Variants in SNX25 observed in about 807,000 individuals in gnomAD.
SNX25 encodes sorting nexin 25, also known as sorting nexin-25.
Under a neutral mutation model 113.7 loss-of-function variants are expected in SNX25, and 62 were observed. The observed-to-expected ratio is 0.55, with a 90% CI of 0.44 to 0.67. SNX25 has a LOEUF of 0.67. SNX25 is among the 30% of genes least tolerant of loss of function. SNX25 has a pLI of 0.00. For missense variants in SNX25, 1,014 were observed against 1,161.0 expected (o/e 0.87, Z 1.84); for synonymous variants, 421 against 436.2 (o/e 0.97, Z 0.43).
intron 1 of SNX25, among the ~76,000 whole-genome samples, chr4:185,244,233 T>C (rs2126474874): frequency 6.6e-6 from 1 of 152,276 alleles, no homozygotes; most frequent in South Asian, 2.1e-4. Context: ...CCCCAGGTGA[T>C]CCACCCGCCT....
At chr4:185,271,506 C>T (rs115215210) in intron 5 of SNX25, among the ~76,000 whole-genome samples, 2,875 of 152,308 alleles carry the variant, frequency 0.019, 86 homozygotes, top group African/African-American at 0.057. Context: ...GCCTCGGTCT[C>T]TCAAAGTGCT....
intron 1 of SNX25, among the ~76,000 whole-genome samples, chr4:185,222,925 T>C (rs958097384): frequency 6.6e-5 from 10 of 152,214 alleles, no homozygotes; most frequent in Non-Finnish European, 1.3e-4. Context: ...TTTGGAACAA[T>C]GTGATAGCAT....
At chr4:185,218,090 T>G (rs1028074671) in intron 1 of SNX25, among the ~76,000 whole-genome samples, 5 of 152,056 alleles carry the variant, frequency 3.3e-5, no homozygotes, top group Non-Finnish European at 5.9e-5. Context: ...AGTGTGTGCT[T>G]CTATAGTTTT....
At chr4:185,225,661 G>C (rs3108259) in intron 1 of SNX25, among the ~76,000 whole-genome samples, 99,391 of 152,050 alleles carry the variant, frequency 0.65, 32,591 homozygotes, top group East Asian at 0.76. Flanking sequence ...CCTTAGTAAT[G>C]GGTAGAGCTA....
At chr4:185,331,259 A>T (rs1248446256) in intron 9 of SNX25, among the ~76,000 whole-genome samples, 1 of 152,222 alleles carries the variant, frequency 6.6e-6, no homozygotes, top group Non-Finnish European at 1.5e-5. Context: ...AAGCAGAATC[A>T]ACCTATTACA....
At chr4:185,302,100 G>GTTT (rs35963129) in intron 6 of SNX25, among the ~76,000 whole-genome samples, 15 of 129,886 alleles carry the variant, frequency 1.2e-4, no homozygotes, top group Admixed American at 5.4e-4. Flanking sequence ...TGTTTTTTTT[G>GTTT]TTTTTTTTTT....
At position 185,332,678 on chromosome 4, in the gene SNX25, A is replaced by G. The variant is rs370246982; in HGVS notation, c.1833A>G (p.Lys611=). The part of the protein sequence containing the change: ...INEQASFAVN[K]LRELNEKLEY... ...AACAAGCCAGTTTTGCTGTAAACAAACTGCGAGAACTAAATGAGAAACTTG... is the reference window on the plus strand; with the variant it reads ...AACAAGCCAGTTTTGCTGTAAACAAGCTGCGAGAACTAAATGAGAAACTTG... The change falls in exon 10 of 19, where the codon AAA becomes AAG. Residue 611 remains lysine, a synonymous_variant. Transcript: ENST00000652585. The G allele has an allele frequency of 4.3e-6, 7 of 1,614,064 alleles. No homozygotes were observed. In the African/African-American group the frequency reaches 8.0e-5, roughly 18 times the overall value.
downstream of SNX25, among the ~76,000 whole-genome samples, chr4:185,375,076 C>A (rs1026617266): frequency 6.6e-6 from 1 of 151,950 alleles, no homozygotes; most frequent in Non-Finnish European, 1.5e-5. Flanking sequence ...TCAAACATCA[C>A]CCAAAAGAAG....
At chr4:185,305,799 A>G (rs1754382839) in intron 6 of SNX25, among the ~76,000 whole-genome samples, 1 of 152,170 alleles carries the variant, frequency 6.6e-6, no homozygotes, top group Non-Finnish European at 1.5e-5. Flanking sequence ...AACAGTAAAT[A>G]TTTGAACTAA....
chr4:185,250,847 G>A (rs1419023261), intron 2 of SNX25, among the ~76,000 whole-genome samples: 1 of 151,466 alleles, frequency 6.6e-6, no homozygotes, highest in Non-Finnish European at 1.5e-5. Context: ...ATTTTCTATA[G>A]GAAGGTTAGT....
Position 185,332,739 on chromosome 4 carries a change from G to C in SNX25, c.1894G>C (p.Ala632Pro), listed in dbSNP as rs1205588035. Residue 632 changes from alanine to proline, a missense_variant, in exon 10 of 19, where the codon GCA becomes CCA. Ala to Pro is a conservative substitution (Grantham distance 27). Transcript: ENST00000652585. The part of the protein sequence containing the change: ...KRQALNSIQN[A>P]PKPDKKIVSK... ...GCAAGCTCTAAATTCTATTCAAAAT[G>C]CACCAAAACCTGACAAGAAGGTAAC... is the stretch of plus-strand genomic sequence containing the variant. 6.2e-7 allele frequency: 1 copy of C among 1,613,362 alleles called. No individual in the cohort carries two copies. The highest frequency in any genetic ancestry group is 8.5e-7 in the Non-Finnish European group (1 of 1,179,832).
At chr4:185,374,177 G>C (rs751514591), downstream of SNX25, 1 of 1,614,064 alleles carries the variant, frequency 6.2e-7, no homozygotes. Context: ...AATACAGCCC[G>C]AGCATACTTT....
At position 185,300,839 on chromosome 4, in the gene SNX25, T is replaced by TCACACACACACACACACACACACA. The variant is rs1560985826; in HGVS notation, c.1163-9796_1163-9795insCACACACACACACACACACACACA. 6.0e-3 allele frequency among the ~76,000 whole-genome samples: 299 copies of TCACACACACACACACACACACACA among 49,662 alleles called. 2 individuals carry two copies. The highest frequency in any genetic ancestry group is 0.028 in the African/African-American group (291 of 10,434). 32.6% of individuals were successfully genotyped at this position (49,662 alleles called of 152,430 possible). On this transcript the variant is annotated intron_variant, in intron 6 of 18. Transcript: ENST00000652585. ...AATGCCTGTGGTATTATGATTATTA[T>TCACACACACACACACACACACACA]GACACACACACACACACACACACAC...
chr4:185,274,218 G>A (rs1477364104), intron 5 of SNX25, among the ~76,000 whole-genome samples: 4 of 151,968 alleles, frequency 2.6e-5, no homozygotes, highest in Admixed American at 6.6e-5. Flanking sequence ...GCCCCACCAC[G>A]CCTGGCTAAT....
intron 15 of SNX25, among the ~76,000 whole-genome samples, chr4:185,356,533 A>T (rs2095340031): frequency 6.6e-6 from 1 of 152,138 alleles, no homozygotes; most frequent in South Asian, 2.1e-4. Flanking sequence ...TTTGATTCCG[A>T]CTCCAAGACT....
chr4:185,204,527 A>C (rs148317922), intron 1 of SNX25: 1 of 152,250 alleles, frequency 6.6e-6, no homozygotes, highest in South Asian at 2.1e-4. Context: ...TGAATACAAT[A>C]ACTTCTCGTT....
At chr4:185,327,116 A>T (rs780312446) in intron 9 of SNX25, among the ~76,000 whole-genome samples, 5 of 152,250 alleles carry the variant, frequency 3.3e-5, no homozygotes, top group Non-Finnish European at 7.3e-5. Flanking sequence ...AAGTATACGT[A>T]AAATGTTTTT....
chr4:185,291,296 C>T (rs1442970292), intron 6 of SNX25, among the ~76,000 whole-genome samples: 1 of 152,092 alleles, frequency 6.6e-6, no homozygotes, highest in African/African-American at 2.4e-5. Context: ...CCATCATTAC[C>T]ACCCATCTCC....
intron 16 of SNX25, among the ~76,000 whole-genome samples, chr4:185,358,742 C>T (rs1201216132): frequency 6.6e-6 from 1 of 151,926 alleles, no homozygotes; most frequent in Non-Finnish European, 1.5e-5. Flanking sequence ...AACTCTATAC[C>T]CAGAATTGTT....
Sources: gnomAD v4.1 joint callset for allele counts (sites outside exome capture counted in the v4.1 genomes callset) on GRCh38, gnomAD v4.1.1 for gene constraint, MANE v1.5 for transcripts, NCBI Gene and HGNC (gene_info 2026-07-23, HGNC 2026-07-21) for gene names.